Variants in RNF17 observed in about 807,000 individuals in gnomAD.
The protein encoded by RNF17 is spermatogenesis associated 23.
Under a neutral mutation model 200.5 loss-of-function variants are expected in RNF17, and 31 were observed. The ratio of observed to expected loss-of-function variants is 0.15; its 90% CI spans 0.12 to 0.21. The LOEUF is 0.21. RNF17 is among the 10% of genes least tolerant of loss of function. The pLI, the probability that RNF17 is intolerant of heterozygous loss-of-function variation, is 1.00. For synonymous variants in RNF17, 606 were observed against 637.8 expected, an observed-to-expected ratio of 0.95 and a Z score of 0.75; for missense variants, 1,628 against 1,905.1, an observed-to-expected ratio of 0.85 and a Z score of 2.71.
intron 17 of RNF17, among the ~76,000 whole-genome samples, chr13:24,830,998 A>G (rs968730470): frequency 2.0e-5 from 3 of 152,198 alleles, no homozygotes; most frequent in African/African-American, 7.2e-5. Context: ...AAAAAACTGA[A>G]CCTTGTTTAT....
At chr13:24,857,614 A>G (rs1316773157) in intron 25 of RNF17, among the ~76,000 whole-genome samples, 1 of 152,236 alleles carries the variant, frequency 6.6e-6, no homozygotes, top group Admixed American at 6.5e-5. Context: ...ATGAAAAAAG[A>G]ATACAGGCTG....
intron 15 of RNF17, among the ~76,000 whole-genome samples, chr13:24,816,114 G>T (rs1039607629): frequency 6.6e-6 from 1 of 152,034 alleles, no homozygotes; most frequent in African/African-American, 2.4e-5. Flanking sequence ...TACACAGGCT[G>T]GTCTCAAACT....
chr13:24,867,523 AC>A (rs891971044), intron 30 of RNF17, among the ~76,000 whole-genome samples: 1 of 152,188 alleles, frequency 6.6e-6, no homozygotes, highest in African/African-American at 2.4e-5. Flanking sequence ...ACAAATTTCA[AC>A]AGTGGCTGAT....
Position 24,800,369 on chromosome 13 carries a change from T to A in RNF17, c.1593T>A (p.Val531=). ...ATATTACTTGAATTTCTCCTAGAGT[T>A]GTTGATACCCATGTGAGACCAGAAC... The part of the protein sequence containing the change: ...GNSEVLIVTG[V]VDTHVRPEHS... Residue 531 remains valine, a synonymous_variant, in exon 13 of 36, where the codon GTT becomes GTA. Coordinates refer to ENST00000255324, the MANE Select transcript of RNF17 (RefSeq NM_031277.3). The A allele has an allele frequency of 6.4e-7, 1 of 1,567,218 alleles. No individual in the cohort carries two copies. The highest frequency in any genetic ancestry group is 8.7e-7 in the Non-Finnish European group (1 of 1,151,324).
intron 14 of RNF17, 91 bp downstream of exon 14, chr13:24,802,662 G>A (rs967832924): frequency 2.0e-6 from 2 of 981,084 alleles, no homozygotes; most frequent in African/African-American, 3.3e-5. Context: ...TGTCTGTAAA[G>A]TAAACCTTAA....
intron 9 of RNF17, 39 bp from the exon 10 acceptor site, chr13:24,793,003 C>T (rs1257017584): frequency 1.5e-6 from 2 of 1,320,720 alleles, no homozygotes; most frequent in African/African-American, 1.5e-5. Flanking sequence ...TACCATATAC[C>T]TCTGTATTCA....
chr13:24,886,364 G>C, the RNF17 span: 35 of 1,289,088 alleles, frequency 2.7e-5, no homozygotes, highest in Non-Finnish European at 3.4e-5. Context: ...GCTGCTGGGC[G>C]TGTGAGGCGG....
downstream of RNF17, among the ~76,000 whole-genome samples, chr13:24,882,129 T>TGTAG (rs1212854773): frequency 4.9e-4 from 3 of 6,124 alleles, no homozygotes; most frequent in Admixed American, 4.1e-3. Context: ...GATACATCTA[T>TGTAG]ATAGATAGAT....
At chr13:24,884,403 C>T, downstream of RNF17, 1 of 1,614,064 alleles carries the variant, frequency 6.2e-7, no homozygotes, top group South Asian at 1.1e-5. Flanking sequence ...GCACTCACTT[C>T]CTTTCGAGTT....
intron 20 of RNF17, among the ~76,000 whole-genome samples, chr13:24,844,373 G>A (rs115623048): frequency 3.4e-4 from 52 of 152,182 alleles, no homozygotes; most frequent in African/African-American, 1.2e-3. Flanking sequence ...GGCACTTTTA[G>A]GATGGTCAAA....
At chr13:24,789,034 A>G (rs149364640) in intron 7 of RNF17, among the ~76,000 whole-genome samples, 354 of 152,270 alleles carry the variant, frequency 2.3e-3, no homozygotes, top group African/African-American at 7.4e-3. Flanking sequence ...TCTTTATCCT[A>G]GTTAATCTAG....
At chr13:24,881,311 T>C (rs901990991), downstream of RNF17, among the ~76,000 whole-genome samples, 1 of 152,006 alleles carries the variant, frequency 6.6e-6, no homozygotes, top group East Asian at 1.9e-4. Context: ...TGGCTAACTT[T>C]TGTATTTTTA....
intron 4 of RNF17, 145 bp from the exon 5 acceptor site, chr13:24,779,522 T>G: frequency 1.8e-6 from 1 of 553,514 alleles, no homozygotes; most frequent in Non-Finnish European, 3.2e-6. Context: ...GTTATTTTTG[T>G]TGCTTGTTTT....
chr13:24,828,242 A>ACTT (rs5802307), intron 16 of RNF17, among the ~76,000 whole-genome samples: 146,518 of 151,850 alleles, frequency 0.96, 70,867 homozygotes, highest in Non-Finnish European at 1. Context: ...TGCTCATTCT[A>ACTT]CTTCTTCATT....
intron 2 of RNF17, among the ~76,000 whole-genome samples, chr13:24,770,083 C>G (rs763440578): frequency 1.6e-4 from 24 of 152,072 alleles, no homozygotes; most frequent in Non-Finnish European, 2.9e-4. Flanking sequence ...GATAAATCAT[C>G]CAATCAATAG....
upstream of RNF17, among the ~76,000 whole-genome samples, chr13:24,761,518 C>A (rs1019366888): frequency 2.6e-5 from 4 of 152,178 alleles, no homozygotes; most frequent in African/African-American, 7.2e-5. Flanking sequence ...GGGTCAGATG[C>A]AATTTATAAA....
chr13:24,828,948 A>G lies in RNF17; in HGVS notation c.2246-1536A>G, dbSNP rs143980433. ...CTCAGCCCCCAGATTAGCCGGGGCTATAGGCACTTGCCACCACGCCTGGCT... is the reference window on the plus strand; with the variant it reads ...CTCAGCCCCCAGATTAGCCGGGGCTGTAGGCACTTGCCACCACGCCTGGCT... On this transcript the variant is annotated intron_variant, in intron 16 of 35. Coordinates refer to ENST00000255324, the MANE Select transcript of RNF17 (RefSeq NM_031277.3). Among the ~76,000 whole-genome samples the G allele has an allele frequency of 2.8e-3, 433 of 152,142 alleles. 6 individuals carry two copies. Among genetic ancestry groups the G allele is most frequent in the African/African-American group, 9.6e-3 (396 of 41,458 alleles).
At chr13:24,867,806 A>G (rs1893786445) in intron 30 of RNF17, among the ~76,000 whole-genome samples, 1 of 152,172 alleles carries the variant, frequency 6.6e-6, no homozygotes, top group Non-Finnish European at 1.5e-5. Flanking sequence ...TTGCTTTCAT[A>G]TGGCTTAAGA....
chr13:24,877,809 G>A (rs930237669), intron 34 of RNF17, among the ~76,000 whole-genome samples: 3 of 152,070 alleles, frequency 2.0e-5, no homozygotes, highest in African/African-American at 7.2e-5. Context: ...TGTGTCAAAA[G>A]GTCAACTAAA....
Sources: gnomAD v4.1 joint callset for allele counts (sites outside exome capture counted in the v4.1 genomes callset) on GRCh38, gnomAD v4.1.1 for gene constraint, MANE v1.5 for transcripts, NCBI Gene and HGNC (gene_info 2026-07-23, HGNC 2026-07-21) for gene names.